The following FOXP1 variants were observed in gnomAD, a reference collection of about 807,000 sequenced individuals.
The protein encoded by FOXP1 is forkhead box P1, also known as forkhead box protein P1.
A neutral mutation model predicts 98.2 loss-of-function variants in FOXP1; 15 were observed. The observed-to-expected ratio is 0.15, with a 90% CI of 0.10 to 0.24. The LOEUF (loss-of-function observed/expected upper bound fraction) is 0.24, where lower values mean the gene tolerates loss of function less well. Among genes scored for constraint, FOXP1 ranks in the 10% least tolerant of loss-of-function variants. FOXP1 has a pLI of 1.00. For missense variants in FOXP1, 633 were observed against 848.5 expected (o/e 0.75, Z 3.15); for synonymous variants, 371 against 314.5 (o/e 1.18, Z -1.90).
intron 6 of FOXP1, among the ~76,000 whole-genome samples, chr3:71,135,825 G>A (rs145954620): frequency 2.6e-4 from 40 of 152,224 alleles, no homozygotes; most frequent in Non-Finnish European, 4.9e-4. Context: ...GCTCCAAAAC[G>A]GCAGCGACCC....
At chr3:71,331,075 C>T (rs2076261526) in intron 4 of FOXP1, among the ~76,000 whole-genome samples, 1 of 152,358 alleles carries the variant, frequency 6.6e-6, no homozygotes, top group African/African-American at 2.4e-5. Flanking sequence ...CTGTGGGAGG[C>T]CCTTTCTGGG....
intron 5 of FOXP1, among the ~76,000 whole-genome samples, chr3:71,263,086 ACTAAGGTCAGTGTTTTTCCAACCC>A (rs1294600469): frequency 6.6e-6 from 1 of 152,094 alleles, no homozygotes; most frequent in Non-Finnish European, 1.5e-5. Flanking sequence ...GCTCAGCAAA[ACTAAGGTCAGTGTTTTTCCAACCC>A]CTGCCCTTCA....
intron 6 of FOXP1, among the ~76,000 whole-genome samples, chr3:71,185,232 A>G (rs758524062): frequency 3.3e-5 from 5 of 152,178 alleles, no homozygotes; most frequent in Non-Finnish European, 7.3e-5. Flanking sequence ...ATGCCAGTAC[A>G]GATTTTTGCA....
intron 6 of FOXP1, among the ~76,000 whole-genome samples, chr3:71,124,584 T>C (rs2059020256): frequency 6.6e-6 from 1 of 151,092 alleles, no homozygotes; most frequent in Non-Finnish European, 1.5e-5. Context: ...TGTATGCAAG[T>C]GTGTGGTGCA....
intron 4 of FOXP1, among the ~76,000 whole-genome samples, chr3:71,329,184 A>G (rs1261663415): frequency 1.3e-5 from 2 of 151,586 alleles, no homozygotes; most frequent in Non-Finnish European, 2.9e-5. Context: ...CCCGTCACCC[A>G]CTGAGATAGC....
intron 2 of FOXP1, chr3:71,574,603 G>T (rs1001716466): frequency 1.3e-5 from 2 of 152,026 alleles, no homozygotes; most frequent in Non-Finnish European, 2.9e-5. Flanking sequence ...CAAGATGCTT[G>T]GGAAAATCAA....
intron 2 of FOXP1, among the ~76,000 whole-genome samples, chr3:71,550,331 C>T (rs2045678958): frequency 6.6e-6 from 1 of 152,174 alleles, no homozygotes; most frequent in Non-Finnish European, 1.5e-5. Context: ...TCCACTTATC[C>T]GCTGTTGACC....
At position 71,338,367 on chromosome 3, in the gene FOXP1, A is replaced by G. The variant is rs188441986; in HGVS notation, c.-73+20783T>C. ...TATGAGGGACGGATTTGAATAACCT[A>G]AAGAAAAAGGATGGAGAAACAAAAC... On this transcript the variant is annotated intron_variant, in intron 4 of 20. Transcript: ENST00000649528. 3.0e-3 allele frequency among the ~76,000 whole-genome samples: 456 copies of G among 152,336 alleles called. 2 individuals are homozygous for G. The highest frequency in any genetic ancestry group is 0.01 in the African/African-American group (430 of 41,582).
intron 3 of FOXP1, among the ~76,000 whole-genome samples, chr3:71,446,930 G>A (rs1187678459): frequency 1.3e-5 from 2 of 152,228 alleles, no homozygotes; most frequent in African/African-American, 4.8e-5. Flanking sequence ...GCCCATAGGG[G>A]CCAGGCAGTT....
chr3:71,319,627 T>C (rs2075281160), intron 4 of FOXP1, among the ~76,000 whole-genome samples: 1 of 152,178 alleles, frequency 6.6e-6, no homozygotes, highest in African/African-American at 2.4e-5. Flanking sequence ...ATTCATCTTC[T>C]AAACATCCTG....
chr3:71,067,638 C>A (rs962845155), intron 7 of FOXP1, among the ~76,000 whole-genome samples: 2 of 151,782 alleles, frequency 1.3e-5, no homozygotes, highest in Admixed American at 1.3e-4. Flanking sequence ...GGCTCATACT[C>A]ATAATCCCAG....
At chr3:71,410,413 C>G (rs527502708) in intron 3 of FOXP1, among the ~76,000 whole-genome samples, 45 of 152,234 alleles carry the variant, frequency 3.0e-4, no homozygotes, top group African/African-American at 1.1e-3. Flanking sequence ...ATCTTTGTTT[C>G]CAACTTTTTT....
At chr3:71,386,892 T>C (rs182224451) in intron 3 of FOXP1, among the ~76,000 whole-genome samples, 58 of 152,288 alleles carry the variant, frequency 3.8e-4, no homozygotes, top group African/African-American at 1.3e-3. Context: ...TTAATGTTAC[T>C]GAATTCTTTA....
chr3:71,269,121 G>A (rs1309495606), intron 5 of FOXP1, among the ~76,000 whole-genome samples: 1 of 136,604 alleles, frequency 7.3e-6, no homozygotes, highest in East Asian at 2.3e-4. Context: ...TTCATTTAAT[G>A]GCACATGATG....
chr3:71,018,893 T>C (rs2044954998), intron 11 of FOXP1, among the ~76,000 whole-genome samples: 2 of 152,326 alleles, frequency 1.3e-5, no homozygotes, highest in Admixed American at 1.3e-4. Flanking sequence ...TGTGTTTGCA[T>C]ATATGTATGT....
At chr3:71,215,611 T>A (rs914981129) in intron 5 of FOXP1, among the ~76,000 whole-genome samples, 4 of 152,274 alleles carry the variant, frequency 2.6e-5, no homozygotes, top group African/African-American at 9.6e-5. Context: ...AATACTCTTC[T>A]CCCCATCATA....
chr3:71,282,502 T>C (rs1393901006), intron 5 of FOXP1, among the ~76,000 whole-genome samples: 1 of 152,198 alleles, frequency 6.6e-6, no homozygotes, highest in Non-Finnish European at 1.5e-5. Flanking sequence ...CGACATTTAC[T>C]GAGCATTTGC....
chr3:71,579,632 C>CTTTTTTTTTTTTTTTTTTTT (rs35646548), intron 2 of FOXP1, among the ~76,000 whole-genome samples: 2 of 123,000 alleles, frequency 1.6e-5, no homozygotes, highest in Non-Finnish European at 3.3e-5. Flanking sequence ...TTTCTTTTTT[C>CTTTTTTTTTTTTTTTTTTTT]TTTTTTTTTT....
In FOXP1 at chr3:70,957,200, T is replaced by G. The variant is rs922170122; in HGVS notation, c.*2047A>C. 2 of 224,010 alleles carry G rather than the reference T, an allele frequency of 8.9e-6. No individual in the cohort carries two copies. The highest frequency in any genetic ancestry group is 1.8e-5 in the Non-Finnish European group (2 of 112,182). 13.9% of individuals were successfully genotyped at this position (224,010 alleles called of 1,614,324 possible). ...TCCCTTCCTTCTGTAGCTCCTTTAATATTGTGTCCTATTTTTATCTGCAGT... is the reference window on the plus strand; with the variant it reads ...TCCCTTCCTTCTGTAGCTCCTTTAAGATTGTGTCCTATTTTTATCTGCAGT... On this transcript the variant is annotated 3_prime_UTR_variant, in exon 21 of 21. Transcript: ENST00000649528.
Sources: allele counts gnomAD v4.1 joint callset (sites outside exome capture counted in the v4.1 genomes callset), GRCh38; gene constraint gnomAD v4.1.1; transcripts MANE v1.5; gene names NCBI Gene and HGNC (gene_info 2026-07-23, HGNC 2026-07-21).